BBS9: variants seen among roughly 807,000 people sequenced by gnomAD.
The protein encoded by BBS9 is Bardet-Biedl syndrome 9, also known as protein PTHB1.
BBS9 carries 89 observed loss-of-function variants against 117.7 expected under a neutral mutation model. The observed-to-expected ratio is 0.76, with a 90% CI of 0.64 to 0.90. BBS9 has a LOEUF of 0.90. Among genes scored for constraint, BBS9 ranks in the 40% least tolerant of loss-of-function variants. The probability of loss-of-function intolerance (pLI) is 0.00; values close to 1 mark genes in which losing one functional copy is unlikely to be tolerated. For synonymous variants in BBS9, 379 were observed against 370.9 expected, an observed-to-expected ratio of 1.02 and a Z score of -0.25; for missense variants, 982 against 1,042.2, an observed-to-expected ratio of 0.94 and a Z score of 0.80.
intron 20 of BBS9, among the ~76,000 whole-genome samples, chr7:33,527,315 G>A (rs1295374043): frequency 6.6e-6 from 1 of 152,176 alleles, no homozygotes; most frequent in Non-Finnish European, 1.5e-5. Flanking sequence ...ACCTAAGCAA[G>A]CCTGGGCAAT....
intron 19 of BBS9, among the ~76,000 whole-genome samples, chr7:33,492,524 A>G (rs889269667): frequency 6.6e-6 from 1 of 152,184 alleles, no homozygotes; most frequent in Admixed American, 6.5e-5. Flanking sequence ...TTTAGAGTTC[A>G]TGATTACTGA....
intron 19 of BBS9, among the ~76,000 whole-genome samples, chr7:33,404,354 G>A (rs1355582550): frequency 4.0e-5 from 6 of 151,624 alleles, no homozygotes; most frequent in Admixed American, 6.6e-5. Flanking sequence ...TATGAACTTT[G>A]AAGTAGTTTT....
At chr7:33,236,274 C>T (rs987835960) in intron 5 of BBS9, among the ~76,000 whole-genome samples, 5 of 140,724 alleles carry the variant, frequency 3.6e-5, no homozygotes, top group East Asian at 4.2e-4. Context: ...TGCAGTGAGC[C>T]GAGATTGTAC....
At chr7:33,294,429 A>G (rs1039529064) in intron 9 of BBS9, among the ~76,000 whole-genome samples, 2 of 151,648 alleles carry the variant, frequency 1.3e-5, no homozygotes, top group Non-Finnish European at 2.9e-5. Context: ...ATGTATGTAC[A>G]TATCTTTCTT....
In BBS9 at chr7:33,219,130, C is replaced by T. The variant is rs183730620; in HGVS notation, c.443-38106C>T. 1.9e-3 allele frequency among the ~76,000 whole-genome samples: 294 copies of T among 152,334 alleles called. 3 individuals are homozygous for T. Among genetic ancestry groups the T allele is most frequent in the East Asian group, 0.015 (80 of 5,172 alleles). On this transcript the variant is annotated intron_variant, in intron 5 of 22. Transcript: ENST00000242067. ...GGCTTAGCACCCAGGCCAGCAGCTG[C>T]GGAGGGTATACTGGGTCCCCCAGCA...
At chr7:33,587,633 G>A (rs950286330) in intron 21 of BBS9, among the ~76,000 whole-genome samples, 2 of 152,088 alleles carry the variant, frequency 1.3e-5, no homozygotes, top group African/African-American at 2.4e-5. Context: ...CCAATTGTTT[G>A]ACAATTGCAA....
At chr7:33,311,705 T>A (rs1003796902) in intron 9 of BBS9, among the ~76,000 whole-genome samples, 10 of 152,032 alleles carry the variant, frequency 6.6e-5, no homozygotes, top group African/African-American at 2.4e-4. Context: ...TAATCCCAGC[T>A]ACTTGGGAGG....
chr7:33,286,435 A>G (rs759728275), intron 9 of BBS9, among the ~76,000 whole-genome samples: 1 of 152,102 alleles, frequency 6.6e-6, no homozygotes, highest in South Asian at 2.1e-4. Context: ...GATCATTTCT[A>G]TCAGGTTAGT....
intron 19 of BBS9, among the ~76,000 whole-genome samples, chr7:33,407,777 C>T (rs1830315156): frequency 6.6e-6 from 1 of 152,210 alleles, no homozygotes; most frequent in Admixed American, 6.5e-5. Context: ...ATGCTGCTGT[C>T]TGACTGTTCC....
At chr7:33,514,225 T>C (rs2129030571) in intron 20 of BBS9, among the ~76,000 whole-genome samples, 1 of 152,274 alleles carries the variant, frequency 6.6e-6, no homozygotes, top group South Asian at 2.1e-4. Flanking sequence ...ATCTGTACGG[T>C]GGTGAACTAG....
chr7:33,429,096 ACTGAGTG>A (rs908892836), intron 19 of BBS9, among the ~76,000 whole-genome samples: 23 of 152,178 alleles, frequency 1.5e-4, no homozygotes, highest in African/African-American at 5.5e-4. Context: ...AAACTTAGAC[ACTGAGTG>A]CTTTTTTTAG....
chr7:33,282,297 A>G (rs1406012661), intron 9 of BBS9, among the ~76,000 whole-genome samples: 1 of 152,214 alleles, frequency 6.6e-6, no homozygotes, highest in South Asian at 2.1e-4. Context: ...TTTAAATATC[A>G]ACCCTGATAT....
rs1039549784 is a variant in BBS9 at position 33,236,717 on chromosome 7, A to G, written c.443-20519A>G. 3.3e-5 allele frequency among the ~76,000 whole-genome samples: 5 copies of G among 152,228 alleles called. No individual in the cohort carries two copies. The East Asian group carries it at 7.7e-4, about 24-fold the overall frequency. On this transcript the variant is annotated intron_variant, in intron 5 of 22. Coordinates refer to ENST00000242067, the MANE Select transcript of BBS9 (RefSeq NM_198428.3). ...TTTGATCTATGTATACATTGTAGAA[A>G]GATTAAATGAAGCTAATTAACATAT...
chr7:33,460,998 G>A (rs75746125), intron 19 of BBS9, among the ~76,000 whole-genome samples: 5,017 of 152,026 alleles, frequency 0.033, 151 homozygotes, highest in African/African-American at 0.079. Flanking sequence ...TGTGATCTTT[G>A]CATCTGACTT....
intron 21 of BBS9, among the ~76,000 whole-genome samples, chr7:33,630,463 C>G (rs1865837196): frequency 6.6e-6 from 1 of 151,970 alleles, no homozygotes; most frequent in Admixed American, 6.6e-5. Flanking sequence ...CCTGTTGAGC[C>G]AACTCAATTG....
chr7:33,424,107 A>T (rs1833278639), intron 19 of BBS9, among the ~76,000 whole-genome samples: 1 of 152,210 alleles, frequency 6.6e-6, no homozygotes, highest in African/African-American at 2.4e-5. Context: ...GTAGCTGGAA[A>T]AACACACACA....
intron 21 of BBS9, among the ~76,000 whole-genome samples, chr7:33,583,624 T>C (rs2129165410): frequency 6.6e-6 from 1 of 152,248 alleles, no homozygotes. Context: ...CCAAAACATG[T>C]GATGTGCCCT....
At chr7:33,208,979 A>T (rs1482193665) in intron 5 of BBS9, among the ~76,000 whole-genome samples, 1 of 152,212 alleles carries the variant, frequency 6.6e-6, no homozygotes, top group Non-Finnish European at 1.5e-5. Flanking sequence ...TTAGTTATTT[A>T]AAAATGTACA....
intron 21 of BBS9, among the ~76,000 whole-genome samples, chr7:33,554,619 A>G (rs1313187945): frequency 1.3e-5 from 2 of 152,170 alleles, no homozygotes; most frequent in Admixed American, 1.3e-4. Context: ...TGGGGAGGGC[A>G]GAATCGAAGA....
Sources: allele counts gnomAD v4.1 joint callset (sites outside exome capture counted in the v4.1 genomes callset), GRCh38; gene constraint gnomAD v4.1.1; transcripts MANE v1.5; gene names NCBI Gene and HGNC (gene_info 2026-07-23, HGNC 2026-07-21).